TANC1: variants seen among roughly 807,000 people sequenced by gnomAD.
TANC1 encodes tetratricopeptide repeat, ankyrin repeat and coiled-coil containing 1.
A neutral mutation model predicts 149.7 loss-of-function variants in TANC1; 77 were observed. The observed-to-expected ratio is 0.51, with a 90% confidence interval of 0.43 to 0.62. TANC1 has a LOEUF of 0.62. Among genes scored for constraint, TANC1 ranks in the 20% least tolerant of loss-of-function variants. TANC1 has a pLI of 0.00. For missense variants in TANC1, 1,985 were observed against 2,321.8 expected, an observed-to-expected ratio of 0.85 and a Z score of 2.98; for synonymous variants, 854 against 925.0, an observed-to-expected ratio of 0.92 and a Z score of 1.39.
intron 3 of TANC1, among the ~76,000 whole-genome samples, chr2:159,070,604 T>C (rs925341459): frequency 2.0e-5 from 3 of 152,156 alleles, no homozygotes; most frequent in African/African-American, 7.2e-5. Flanking sequence ...GAAGAGAAAG[T>C]GCTTAAAGGA....
At chr2:159,219,215 G>A (rs2059534991) in intron 20 of TANC1, 23 bp from the exon 21 acceptor site, 1 of 1,613,806 alleles carries the variant, frequency 6.2e-7, no homozygotes, top group Admixed American at 1.7e-5. Context: ...CAGGAGGATG[G>A]TAATTCCAAA....
rs139996068 is a variant in TANC1, at chr2:159,022,324, C to T, written c.-16+21135C>T. On this transcript the variant is annotated intron_variant, in intron 2 of 26. Coordinates refer to ENST00000263635, the MANE Select transcript of TANC1 (RefSeq NM_033394.3). ...ATATGTAATACATGTATGGGGTACA[C>T]ACCAGCGTGTATGCACCTTTTTCCT... Among the ~76,000 whole-genome samples, 85 of 152,336 alleles carry T rather than the reference C, an allele frequency of 5.6e-4. 2 individuals are homozygous for T. In the East Asian group the frequency reaches 0.015, roughly 26 times the overall value.
intron 19 of TANC1, among the ~76,000 whole-genome samples, chr2:159,215,052 G>C (rs192316238): frequency 7.9e-5 from 12 of 152,276 alleles, no homozygotes; most frequent in Admixed American, 7.2e-4. Flanking sequence ...CACTGCTGAG[G>C]TCCACACTGA....
chr2:159,007,138 G>GTTTTTTTTTTTTTTTTTTTTTTTT (rs70994252), intron 2 of TANC1, among the ~76,000 whole-genome samples: 1 of 69,516 alleles, frequency 1.4e-5, no homozygotes, highest in Non-Finnish European at 2.6e-5. Flanking sequence ...CTTTAATACT[G>GTTTTTTTTTTTTTTTTTTTTTTTT]TTTTTTTTTT....
chr2:159,090,027 G>A (rs1389295511), intron 3 of TANC1, among the ~76,000 whole-genome samples: 1 of 152,136 alleles, frequency 6.6e-6, no homozygotes, highest in African/African-American at 2.4e-5. Context: ...ATATTTACAG[G>A]AAATGTGCAC....
At chr2:159,115,926 G>A (rs1559287774) in intron 4 of TANC1, among the ~76,000 whole-genome samples, 1 of 152,126 alleles carries the variant, frequency 6.6e-6, no homozygotes, top group African/African-American at 2.4e-5. Context: ...AGGTGTAGGT[G>A]CTGGTGTAAT....
At position 159,232,657 on chromosome 2, in the gene TANC1, G is replaced by C. The variant is rs3180107; in HGVS notation, c.*1645G>C. 6.5e-6 allele frequency: 1 copy of C among 152,728 alleles called. No homozygotes were observed. The highest frequency in any genetic ancestry group is 2.1e-4 in the South Asian group (1 of 4,828). 9.5% of individuals were successfully genotyped at this position (152,728 alleles called of 1,614,324 possible). On this transcript the variant is annotated 3_prime_UTR_variant, in exon 27 of 27. Transcript: ENST00000263635. ...CCATATGGAATAAAGACTATTAATA[G>C]AATGTGTTTTGCACTAAATGAGTCA...
intron 16 of TANC1, among the ~76,000 whole-genome samples, chr2:159,193,308 T>G (rs1412919139): frequency 6.6e-6 from 1 of 152,252 alleles, no homozygotes; most frequent in Non-Finnish European, 1.5e-5. Context: ...TTCTCCCTTT[T>G]TAAGCAGGAA....
At chr2:159,108,011 C>T (rs1243422237) in intron 4 of TANC1, among the ~76,000 whole-genome samples, 1 of 152,156 alleles carries the variant, frequency 6.6e-6, no homozygotes, top group African/African-American at 2.4e-5. Flanking sequence ...CTTTCTTTAT[C>T]CTGGTGATGG....
chr2:159,116,957 G>T (rs190659409), intron 4 of TANC1, among the ~76,000 whole-genome samples: 6 of 152,306 alleles, frequency 3.9e-5, no homozygotes, highest in African/African-American at 1.4e-4. Context: ...CAAAGCCTGG[G>T]TCATTTTCAC....
intron 2 of TANC1, among the ~76,000 whole-genome samples, chr2:159,064,848 G>C (rs1407105355): frequency 6.6e-6 from 1 of 152,204 alleles, no homozygotes; most frequent in Non-Finnish European, 1.5e-5. Context: ...TAACTAGGCA[G>C]ATGTGGGAGC....
chr2:159,094,966 G>T (rs1256096307), intron 3 of TANC1, among the ~76,000 whole-genome samples: 1 of 151,328 alleles, frequency 6.6e-6, no homozygotes, highest in East Asian at 1.9e-4. Context: ...TTTTTTTTGA[G>T]ATGGAGTCTC....
chr2:159,183,700 T>G (rs1220925916), intron 14 of TANC1, among the ~76,000 whole-genome samples: 1 of 151,998 alleles, frequency 6.6e-6, no homozygotes, highest in African/African-American at 2.4e-5. Flanking sequence ...GTTTGTTTGT[T>G]TTTTAATAAC....
chr2:159,077,386 C>A (rs16843649), intron 3 of TANC1, among the ~76,000 whole-genome samples: 24,390 of 152,120 alleles, frequency 0.16, 2,528 homozygotes, highest in East Asian at 0.41. Context: ...AAAAACAAAA[C>A]CTATATGATG....
chr2:159,047,013 C>T (rs2041113791), intron 2 of TANC1, among the ~76,000 whole-genome samples: 3 of 152,074 alleles, frequency 2.0e-5, no homozygotes, highest in African/African-American at 7.2e-5. Context: ...TTCTTTTAGT[C>T]TGCTCAGCCT....
chr2:159,112,937 T>TA (rs1449187843), intron 4 of TANC1, among the ~76,000 whole-genome samples: 1 of 151,956 alleles, frequency 6.6e-6, no homozygotes, highest in African/African-American at 2.4e-5. Context: ...TTTTTAAACT[T>TA]ATGGCATTTT....
Position 159,230,993 on chromosome 2 carries a change from TTA to T in TANC1, c.5570_5571del (p.Ile1857ArgfsTer20). The T allele has an allele frequency of 6.2e-7, 1 of 1,611,962 alleles. No homozygotes were observed. The highest frequency in any genetic ancestry group is 2.2e-5 in the East Asian group (1 of 44,866). Reference sequence around the variant, plus strand: ...ACTGCAGCCAAACCAAAGCGATCATTTATAGAGTCAAATGTGTGAACCTTAAG... The same window carrying T: ...ACTGCAGCCAAACCAAAGCGATCATTTAGAGTCAAATGTGTGAACCTTAAG... On this transcript the variant is annotated frameshift_variant, in exon 27 of 27. Coordinates refer to ENST00000263635, the MANE Select transcript of TANC1 (RefSeq NM_033394.3). LOFTEE classifies it high-confidence loss of function. This position sits in a 1 kb window ranked among gnomAD's most constrained non-coding sequence, Gnocchi z 4.4.
chr2:159,176,073 G>A (rs2055827757), intron 12 of TANC1, among the ~76,000 whole-genome samples: 1 of 152,196 alleles, frequency 6.6e-6, no homozygotes, highest in African/African-American at 2.4e-5. Flanking sequence ...CAATGACAGT[G>A]GTTTATGAAG....
At chr2:159,196,064 A>G (rs1489123319) in intron 17 of TANC1, among the ~76,000 whole-genome samples, 13 of 148,520 alleles carry the variant, frequency 8.8e-5, no homozygotes, top group African/African-American at 2.4e-5. Flanking sequence ...ACTTGCCAGC[A>G]TGCCCAGGCC....
Sources: allele counts gnomAD v4.1 joint callset (sites outside exome capture counted in the v4.1 genomes callset), GRCh38; gene constraint gnomAD v4.1.1; non-coding constraint Gnocchi (gnomAD v3.1); transcripts MANE v1.5; gene names NCBI Gene and HGNC (gene_info 2026-07-23, HGNC 2026-07-21).